Variants in TNIK observed in about 807,000 individuals in gnomAD.
The protein encoded by TNIK is TRAF2 and NCK-interacting protein kinase.
TNIK carries 49 observed loss-of-function variants against 191.3 expected under a neutral mutation model. The ratio of observed to expected loss-of-function variants is 0.26; its 90% CI spans 0.20 to 0.32. TNIK has a LOEUF of 0.32. Ranked by LOEUF, TNIK falls within the 10% of genes least tolerant of loss-of-function variation. The probability of loss-of-function intolerance (pLI) is 1.00; values close to 1 mark genes in which losing one functional copy is unlikely to be tolerated. For missense variants in TNIK, 1,155 were observed against 1,702.3 expected (o/e 0.68, Z 5.66); for synonymous variants, 594 against 600.9 (o/e 0.99, Z 0.17).
chr3:171,362,367 T>C (rs1715108946), intron 2 of TNIK, among the ~76,000 whole-genome samples: 1 of 152,188 alleles, frequency 6.6e-6, no homozygotes, highest in African/African-American at 2.4e-5. Context: ...GGTGCAAAAG[T>C]ATTGTCGTTT....
chr3:171,068,316 C>T lies in TNIK; in HGVS notation c.3699+532G>A, dbSNP rs142742743. Among the ~76,000 whole-genome samples, 391 of 152,206 alleles carry T rather than the reference C, an allele frequency of 2.6e-3. 2 individuals are homozygous for T. The highest frequency in any genetic ancestry group is 7.2e-3 in the African/African-American group (301 of 41,524). On this transcript the variant is annotated intron_variant, in intron 30 of 32. Transcript: ENST00000436636. ...TCTTTTTATCCATATTTTACAGATG[C>T]GAAAGCTGAGGATTGGAGAGGCTGC...
At chr3:171,265,392 G>C (rs1748257019) in intron 2 of TNIK, among the ~76,000 whole-genome samples, 1 of 152,152 alleles carries the variant, frequency 6.6e-6, no homozygotes, top group African/African-American at 2.4e-5. Context: ...AACCTACACT[G>C]ACTTCTTTTT....
At chr3:171,317,456 T>C (rs1754759245) in intron 2 of TNIK, among the ~76,000 whole-genome samples, 2 of 152,278 alleles carry the variant, frequency 1.3e-5, no homozygotes, top group Middle Eastern at 3.4e-3. Flanking sequence ...ACTATGGTCT[T>C]GGTGCCACCA....
intron 2 of TNIK, among the ~76,000 whole-genome samples, chr3:171,240,561 C>G (rs567643321): frequency 1.3e-5 from 2 of 152,024 alleles, no homozygotes; most frequent in East Asian, 1.9e-4. Context: ...TATTCCCCCC[C>G]AGTCCCCGAC....
chr3:171,405,772 C>G (rs1000022822), intron 1 of TNIK, among the ~76,000 whole-genome samples: 26 of 152,084 alleles, frequency 1.7e-4, no homozygotes, highest in South Asian at 6.2e-4. Flanking sequence ...AGTATGATAT[C>G]TTGGTAAGAA....
Position 171,079,580 on chromosome 3 carries a change from A to C in TNIK, c.3386T>G (p.Val1129Gly). 6.2e-7 allele frequency: 1 copy of C among 1,613,638 alleles called. No homozygotes were observed. Among genetic ancestry groups the C allele is most frequent in the Non-Finnish European group, 8.5e-7 (1 of 1,179,752 alleles). The change falls in exon 28 of 33, where the codon GTA becomes GGA. Residue 1129 changes from valine (V) to glycine (G), a missense_variant. By Grantham distance (109) the Val-to-Gly change is moderately radical (BLOSUM62 -3). Transcript: ENST00000436636. ...RNRILHNDPE[V>G]EKKQGWITVG... ...AGTGATCCAGCCTTGTTTCTTTTCT[A>C]CTTCTGGGTCATTATGTAGTATTCT...
At chr3:171,201,884 A>G (rs1320765062) in intron 4 of TNIK, among the ~76,000 whole-genome samples, 5 of 152,228 alleles carry the variant, frequency 3.3e-5, no homozygotes, top group Non-Finnish European at 7.3e-5. Flanking sequence ...ATAAATTTTA[A>G]GACTTCCAAA....
chr3:171,202,316 G>A (rs992680602), intron 4 of TNIK, among the ~76,000 whole-genome samples: 3 of 151,926 alleles, frequency 2.0e-5, no homozygotes, highest in Non-Finnish European at 2.9e-5. Context: ...TCTGCATCTC[G>A]GAATGTTACA....
At chr3:171,110,990 A>C in intron 18 of TNIK, 113 bp from the exon 19 acceptor site, 13 of 1,069,190 alleles carry the variant, frequency 1.2e-5, no homozygotes, top group Non-Finnish European at 1.6e-5. Context: ...AAAACAGCTC[A>C]ATAGCAAGAA....
intron 22 of TNIK, among the ~76,000 whole-genome samples, chr3:171,099,662 G>A (rs942286997): frequency 3.9e-5 from 6 of 152,078 alleles, no homozygotes; most frequent in Non-Finnish European, 8.8e-5. Context: ...AACATACAGC[G>A]GTAGCACAGA....
chr3:171,440,618 CTG>C (rs968744432), intron 1 of TNIK, among the ~76,000 whole-genome samples: 15 of 152,180 alleles, frequency 9.9e-5, no homozygotes, highest in African/African-American at 3.4e-4. Flanking sequence ...TTAGCCTATG[CTG>C]TAAGTCACGA....
chr3:171,403,464 A>G (rs992122897), intron 1 of TNIK, among the ~76,000 whole-genome samples: 1 of 152,146 alleles, frequency 6.6e-6, no homozygotes, highest in African/African-American at 2.4e-5. Context: ...AATATACAAA[A>G]TTAGTTGGGC....
At chr3:171,350,095 GTGAA>G (rs1712895883) in intron 2 of TNIK, among the ~76,000 whole-genome samples, 1 of 152,112 alleles carries the variant, frequency 6.6e-6, no homozygotes, top group African/African-American at 2.4e-5. Flanking sequence ...TTTGAGGAGG[GTGAA>G]TGAGATTCTT....
At chr3:171,145,161 G>A (rs1296379408) in intron 12 of TNIK, among the ~76,000 whole-genome samples, 4 of 149,452 alleles carry the variant, frequency 2.7e-5, no homozygotes, top group Admixed American at 6.7e-5. Flanking sequence ...ATCTCAGCTC[G>A]CTTCAAGCTC....
chr3:171,443,562 A>G (rs1577959311), intron 1 of TNIK, among the ~76,000 whole-genome samples: 1 of 152,050 alleles, frequency 6.6e-6, no homozygotes, highest in Non-Finnish European at 1.5e-5. Flanking sequence ...GGCCCAGCAC[A>G]CTGGCTCCTA....
rs1354239534 is a variant in TNIK, at chr3:171,460,179, G to A, written c.-116C>T. The A allele has an allele frequency of 4.5e-6, 6 of 1,335,128 alleles. No individual in the cohort carries two copies. The highest frequency in any genetic ancestry group is 4.1e-6 in the Non-Finnish European group (4 of 966,934). The allele number at this position is 1,335,128 out of a possible 1,614,324, so 82.7% of individuals were successfully genotyped here. A position where few individuals can be genotyped will look rare whatever the true frequency, so the allele number is the denominator to read the frequency against. ...TGCGGGTGTCGCGCCAGAGGCCCCG[G>A]GCCCAGCCTCCCCCGCCCACCCCAG... is the stretch of plus-strand genomic sequence containing the variant. On this transcript the variant is annotated 5_prime_UTR_variant, in exon 1 of 33. Coordinates refer to ENST00000436636, the MANE Select transcript of TNIK (RefSeq NM_015028.4). The surrounding 1 kb of genome is among the most constrained non-coding windows in gnomAD (Gnocchi z 6.8).
At chr3:171,227,128 G>C (rs1434343431) in intron 3 of TNIK, among the ~76,000 whole-genome samples, 1 of 152,106 alleles carries the variant, frequency 6.6e-6, no homozygotes, top group Non-Finnish European at 1.5e-5. Context: ...ACATGCCTTT[G>C]ATGTCCAGTG....
chr3:171,150,089 T>C (rs1194338682), intron 12 of TNIK, among the ~76,000 whole-genome samples: 1 of 152,154 alleles, frequency 6.6e-6, no homozygotes, highest in African/African-American at 2.4e-5. Flanking sequence ...GATTTTCCTG[T>C]CTCCTTCTTG....
intron 2 of TNIK, among the ~76,000 whole-genome samples, chr3:171,280,051 A>G (rs552180518): frequency 2.2e-4 from 34 of 152,352 alleles, no homozygotes; most frequent in African/African-American, 7.7e-4. Context: ...CAATTAGCCA[A>G]GTACTTTCCC....
Sources: allele counts gnomAD v4.1 joint callset (sites outside exome capture counted in the v4.1 genomes callset), GRCh38; gene constraint gnomAD v4.1.1; non-coding constraint Gnocchi (gnomAD v3.1); transcripts MANE v1.5; gene names NCBI Gene and HGNC (gene_info 2026-07-23, HGNC 2026-07-21).